Variants in CACNA2D3 observed in about 807,000 individuals in gnomAD.
The protein encoded by CACNA2D3 is voltage-dependent calcium channel subunit alpha-2/delta-3.
In CACNA2D3, 60 loss-of-function variants were observed where a neutral mutation model predicts 160.6. The observed-to-expected ratio is 0.37, with a 90% CI of 0.30 to 0.46. The LOEUF (loss-of-function observed/expected upper bound fraction) is 0.46. CACNA2D3 is among the 20% of genes least tolerant of loss of function. CACNA2D3 has a pLI of 1.00. For missense variants in CACNA2D3, 1,205 were observed against 1,365.0 expected, an observed-to-expected ratio of 0.88 and a Z score of 1.85; for synonymous variants, 558 against 492.9, an observed-to-expected ratio of 1.13 and a Z score of -1.75.
intron 5 of CACNA2D3, among the ~76,000 whole-genome samples, chr3:54,540,425 A>G (rs944987673): frequency 2.0e-5 from 3 of 152,236 alleles, no homozygotes; most frequent in Non-Finnish European, 2.9e-5. Context: ...CCAAGATACC[A>G]TGGGCATTTT....
intron 13 of CACNA2D3, among the ~76,000 whole-genome samples, chr3:54,786,576 A>G (rs1702646217): frequency 6.6e-6 from 1 of 152,204 alleles, no homozygotes; most frequent in South Asian, 2.1e-4. Flanking sequence ...TCTCATGTCC[A>G]CAGTCTTCCT....
intron 27 of CACNA2D3, among the ~76,000 whole-genome samples, chr3:54,922,534 A>G (rs1044094980): frequency 6.6e-6 from 1 of 152,072 alleles, no homozygotes; most frequent in African/African-American, 2.4e-5. Flanking sequence ...CTGGATATTG[A>G]TTATGTAATT....
intron 8 of CACNA2D3, among the ~76,000 whole-genome samples, chr3:54,573,189 A>G (rs748058550): frequency 1.4e-4 from 21 of 152,230 alleles, no homozygotes; most frequent in Non-Finnish European, 2.4e-4. Context: ...TTCAACAACT[A>G]GAAAGACACT....
intron 11 of CACNA2D3, among the ~76,000 whole-genome samples, chr3:54,725,449 A>G (rs1435855037): frequency 6.6e-6 from 1 of 152,246 alleles, no homozygotes; most frequent in Non-Finnish European, 1.5e-5. Flanking sequence ...AACCTAGCAG[A>G]GACACAACAA....
intron 2 of CACNA2D3, among the ~76,000 whole-genome samples, chr3:54,230,129 G>GTT (rs10663453): frequency 0.16 from 22,539 of 143,350 alleles, 2,217 homozygotes; most frequent in East Asian, 0.31. Context: ...TCATTTAATT[G>GTT]TTTTTTTTTT....
chr3:54,370,847 A>C (rs980962922), intron 3 of CACNA2D3, among the ~76,000 whole-genome samples: 8 of 152,022 alleles, frequency 5.3e-5, no homozygotes, highest in East Asian at 3.9e-4. Flanking sequence ...AAAAAAAAAA[A>C]AAAAAACAGT....
At chr3:54,578,335 T>C (rs1221029240) in intron 8 of CACNA2D3, among the ~76,000 whole-genome samples, 1 of 152,228 alleles carries the variant, frequency 6.6e-6, no homozygotes, top group Non-Finnish European at 1.5e-5. Flanking sequence ...TGACCAAATC[T>C]TGAGTTGTAA....
At chr3:54,683,020 C>G (rs1339434093) in intron 11 of CACNA2D3, among the ~76,000 whole-genome samples, 1 of 152,140 alleles carries the variant, frequency 6.6e-6, no homozygotes, top group Non-Finnish European at 1.5e-5. Flanking sequence ...GCAAAAGCAA[C>G]TAGATAAAGA....
At chr3:54,456,723 C>T (rs1048374745) in intron 4 of CACNA2D3, among the ~76,000 whole-genome samples, 1 of 151,838 alleles carries the variant, frequency 6.6e-6, no homozygotes, top group African/African-American at 2.4e-5. Context: ...TGAAACCACT[C>T]GGTCCCGGGC....
chr3:54,746,861 G>A (rs1701761287), intron 11 of CACNA2D3, among the ~76,000 whole-genome samples: 1 of 152,144 alleles, frequency 6.6e-6, no homozygotes, highest in Admixed American at 6.5e-5. Context: ...AGACAGCTGG[G>A]TACAGATCTG....
intron 11 of CACNA2D3, among the ~76,000 whole-genome samples, chr3:54,710,359 A>C (rs540291198): frequency 6.6e-6 from 1 of 152,358 alleles, no homozygotes; most frequent in East Asian, 1.9e-4. Flanking sequence ...ATGAAGATTT[A>C]TTTCTTCTCA....
At chr3:54,626,399 C>A in intron 9 of CACNA2D3, 1 of 1,574,202 alleles carries the variant, frequency 6.4e-7, no homozygotes, top group Non-Finnish European at 8.6e-7. Flanking sequence ...CTGCGCAAGG[C>A]CAAGAAGGAG....
At chr3:54,249,006 T>G (rs114905163) in intron 2 of CACNA2D3, among the ~76,000 whole-genome samples, 2,987 of 152,326 alleles carry the variant, frequency 0.02, 87 homozygotes, top group African/African-American at 0.067. Context: ...GTTTCCTCCC[T>G]CTGTTATCCT....
intron 28 of CACNA2D3, 66 bp downstream of exon 28, chr3:54,968,577 T>C: frequency 1.7e-6 from 2 of 1,202,146 alleles, no homozygotes; most frequent in Non-Finnish European, 1.2e-6. Flanking sequence ...CCCATTTGGG[T>C]ACCTGGAGCC....
rs564332679 is a variant in CACNA2D3, at chr3:54,265,261, T to C, written c.205-55181T>C. On this transcript the variant is annotated intron_variant, in intron 2 of 37. Transcript: ENST00000474759. ...TCCAGCATCTGTTGTTTCCTGACTT[T>C]TTAATGATTACTATTCTAACACAGG... Among the ~76,000 whole-genome samples the C allele has an allele frequency of 2.0e-5, 3 of 152,298 alleles. No individual in the cohort carries two copies. In the South Asian group the frequency reaches 6.2e-4, roughly 32 times the overall value.
intron 14 of CACNA2D3, among the ~76,000 whole-genome samples, chr3:54,836,226 CTTTT>C (rs71096454): frequency 1.1e-5 from 1 of 92,702 alleles, no homozygotes; most frequent in Non-Finnish European, 2.3e-5. Flanking sequence ...TTTTTTTTTT[CTTTT>C]TTTTTTTTTT....
intron 2 of CACNA2D3, among the ~76,000 whole-genome samples, chr3:54,229,220 C>G (rs1405648676): frequency 3.3e-5 from 5 of 149,792 alleles, no homozygotes; most frequent in Non-Finnish European, 5.9e-5. Context: ...GAGACGGAGT[C>G]TCGCTCTGTC....
At chr3:54,130,107 C>G (rs746939004) in intron 2 of CACNA2D3, among the ~76,000 whole-genome samples, 1 of 152,204 alleles carries the variant, frequency 6.6e-6, no homozygotes, top group Non-Finnish European at 1.5e-5. Context: ...TGCAGAATCC[C>G]TTGTTAAAAA....
intron 11 of CACNA2D3, among the ~76,000 whole-genome samples, chr3:54,739,749 ATATG>A (rs1459970307): frequency 6.2e-5 from 5 of 80,774 alleles, no homozygotes; most frequent in East Asian, 3.8e-4. Flanking sequence ...TTCTCCTCAT[ATATG>A]TGTGTGTGTG....
Sources: allele counts gnomAD v4.1 joint callset (sites outside exome capture counted in the v4.1 genomes callset), GRCh38; gene constraint gnomAD v4.1.1; transcripts MANE v1.5; gene names NCBI Gene and HGNC (gene_info 2026-07-23, HGNC 2026-07-21).